Variants in IQGAP3 observed in about 807,000 individuals in gnomAD.
IQGAP3 encodes IQ motif containing GTPase activating protein 3, also known as ras GTPase-activating-like protein IQGAP3.
Under a neutral mutation model 208.2 loss-of-function variants are expected in IQGAP3, and 165 were observed. The observed-to-expected ratio is 0.79, with a 90% CI of 0.70 to 0.90. The LOEUF (loss-of-function observed/expected upper bound fraction) is 0.90. IQGAP3 is among the 40% of genes least tolerant of loss of function. The pLI is 0.00. For missense variants in IQGAP3, 1,811 were observed against 2,043.1 expected (o/e 0.89, Z 2.19); for synonymous variants, 703 against 803.6 (o/e 0.87, Z 2.12).
chr1:156,543,807 T>C lies in IQGAP3; in HGVS notation c.2530+174A>G, dbSNP rs1429563292. Among the ~76,000 whole-genome samples the C allele has an allele frequency of 4.2e-4, 64 of 152,162 alleles. 1 individual carries two copies. The highest frequency in any genetic ancestry group is 4.2e-3 in the Admixed American group (64 of 15,282). Reference sequence around the variant, plus strand: ...TTTCACGTGACAAGGCTATCTGTGATTGGGATGAGCAGGGGGGCTTTTGTT... The same window carrying C: ...TTTCACGTGACAAGGCTATCTGTGACTGGGATGAGCAGGGGGGCTTTTGTT... On this transcript the variant is annotated intron_variant, in intron 22 of 37. Coordinates refer to ENST00000361170, the MANE Select transcript of IQGAP3 (RefSeq NM_178229.5).
At chr1:156,557,962 A>G (rs1308381965) in intron 11 of IQGAP3, among the ~76,000 whole-genome samples, 26 of 3,258 alleles carry the variant, frequency 8.0e-3, no homozygotes, top group East Asian at 0.042. Context: ...CAGCCGCCCC[A>G]TCCGGGAGGG....
intron 36 of IQGAP3, 70 bp downstream of exon 36, chr1:156,528,439 C>T: frequency 8.7e-7 from 1 of 1,145,076 alleles, no homozygotes; most frequent in Non-Finnish European, 1.3e-6. Flanking sequence ...ACCCGGTGCC[C>T]AGCCCAGAGC....
rs770813990 is a variant in IQGAP3, at chr1:156,537,356, C to A, written c.3282-35G>T. The A allele has an allele frequency of 1.5e-5, 24 of 1,576,246 alleles. No individual in the cohort carries two copies. In the South Asian group the frequency reaches 2.6e-4, roughly 17 times the overall value. Reference sequence around the variant, plus strand: ...GAGAGAGACAAGGTGTAAGCAGGAGCCCCCTCCAATGGCCTCCTTCCCCAA... The same window carrying A: ...GAGAGAGACAAGGTGTAAGCAGGAGACCCCTCCAATGGCCTCCTTCCCCAA... On this transcript the variant is annotated intron_variant, in intron 26 of 37. Transcript: ENST00000361170.
At chr1:156,568,611 C>T (rs1383906872) in intron 2 of IQGAP3, among the ~76,000 whole-genome samples, 6 of 152,220 alleles carry the variant, frequency 3.9e-5, no homozygotes, top group Admixed American at 3.9e-4. Context: ...CCTCCTCGAC[C>T]TCCCAGGTTC....
chr1:156,529,215 G>A, intron 34 of IQGAP3, 133 bp from the exon 35 acceptor site: 1 of 976,632 alleles, frequency 1.0e-6, no homozygotes, highest in Non-Finnish European at 1.5e-6. Flanking sequence ...TTTCCTAGAA[G>A]GAAAATCTCA....
chr1:156,566,410 C>T lies in IQGAP3; in HGVS notation c.262G>A (p.Val88Met). ...SVVPLKKIYD[V>M]EQLRYQATGL... ...CCCACCTGGTACCGCAGCTGCTCCA[C>T]ATCGTAGATCTTCTTCAAGGGAACC... Residue 88 changes from valine (V) to methionine (M), a missense_variant, in exon 3 of 38, where the codon GTG (valine) becomes ATG (methionine). Coordinates refer to ENST00000361170, the MANE Select transcript of IQGAP3 (RefSeq NM_178229.5). 6.2e-7 allele frequency: 1 copy of T among 1,614,152 alleles called. No individual in the cohort carries two copies. The highest frequency in any genetic ancestry group is 8.5e-7 in the Non-Finnish European group (1 of 1,179,994).
rs577894649 is a variant in IQGAP3, at chr1:156,534,035, C to T, written c.3847G>A (p.Val1283Met). Residue 1283 changes from valine to methionine, a missense_variant, in exon 30 of 38, where the codon GTG becomes ATG. Transcript: ENST00000361170. ...CTGTGCGTGTTGACCAGCTCCCCCA[C>T]GGTGATGTACACCATGGGTTTGGCC... ...AVAKPMVYIT[V>M]GELVNTHRLL... The T allele has an allele frequency of 1.0e-4, 163 of 1,613,898 alleles. No individual in the cohort carries two copies. Among genetic ancestry groups the T allele is most frequent in the South Asian group, 6.5e-4 (59 of 91,086 alleles).
chr1:156,544,538 A>G, intron 19 of IQGAP3, 66 bp from the exon 20 acceptor site: 1 of 1,383,440 alleles, frequency 7.2e-7, no homozygotes, highest in Non-Finnish European at 1.0e-6. Flanking sequence ...GGCTTTTAAG[A>G]AAATCTTTGT....
At chr1:156,560,370 C>A (rs1269950090) in intron 11 of IQGAP3, among the ~76,000 whole-genome samples, 1 of 152,036 alleles carries the variant, frequency 6.6e-6, no homozygotes, top group East Asian at 1.9e-4. Flanking sequence ...AATTAGTCTG[C>A]CATGGTGGCA....
intron 19 of IQGAP3, among the ~76,000 whole-genome samples, chr1:156,546,190 G>A (rs1571333441): frequency 1.3e-5 from 2 of 152,256 alleles, no homozygotes; most frequent in South Asian, 4.1e-4. Context: ...GCTCCTTAAG[G>A]CCTCTGAATT....
At chr1:156,562,985 TC>T in intron 8 of IQGAP3, 148 bp downstream of exon 8, 1 of 734,510 alleles carries the variant, frequency 1.4e-6, no homozygotes, top group South Asian at 1.9e-5. Flanking sequence ...CAAGTTCCTT[TC>T]CTATTTCTCT....
rs1412524118 is a variant in IQGAP3, at chr1:156,540,002, G to A, written c.2740-12C>T. 1 of 1,613,972 alleles carries A rather than the reference G, an allele frequency of 6.2e-7. No homozygotes were observed. The highest frequency in any genetic ancestry group is 2.2e-5 in the East Asian group (1 of 44,890). On this transcript the variant is annotated splice_polypyrimidine_tract_variant and intron_variant, in intron 23 of 37. Transcript: ENST00000361170. ...TGGGAGACCACTTCCTGCAGGGGTG[G>A]AGGAGCGGGTGATACAACTAGCCTA... is the stretch of plus-strand genomic sequence containing the variant.
In IQGAP3 at chr1:156,563,215, A is replaced by G; in HGVS notation, c.717T>C (p.Asn239=). The change falls in exon 8 of 38, where the codon AAT becomes AAC. Residue 239 remains asparagine (N), a synonymous_variant. Coordinates refer to ENST00000361170, the MANE Select transcript of IQGAP3 (RefSeq NM_178229.5). The part of the protein sequence containing the change: ...ALQNPSALLE[N]LREPLAAVYQ... ...AGACGGCTGCCAGAGGCTCTCGGAGATTCTCCAGAAGAGCACTGGGATTCT... is the reference window on the plus strand; with the variant it reads ...AGACGGCTGCCAGAGGCTCTCGGAGGTTCTCCAGAAGAGCACTGGGATTCT... 6.2e-7 allele frequency: 1 copy of G among 1,613,108 alleles called. No homozygotes were observed. Among genetic ancestry groups the G allele is most frequent in the South Asian group, 1.1e-5 (1 of 91,010 alleles).
At chr1:156,563,435 A>G (rs1676255364) in intron 7 of IQGAP3, 118 bp downstream of exon 7, 3 of 1,325,346 alleles carry the variant, frequency 2.3e-6, no homozygotes, top group Non-Finnish European at 3.1e-6. Context: ...CAAACCAGGT[A>G]GCCTGATGGC....
In IQGAP3 at chr1:156,535,175, G is replaced by T. The variant is rs368841476; in HGVS notation, c.3495C>A (p.Ser1165Arg). ...LAEKFPDATD[S>R]EVYKVVGNLL... ...AGACAACACTTGCCTTATAGACCTC[G>T]CTGTCTGTGGCGTCAGGGAATTTCT... Residue 1165 changes from serine to arginine, a missense_variant, in exon 28 of 38, where the codon AGC (serine) becomes AGA (arginine). Coordinates refer to ENST00000361170, the MANE Select transcript of IQGAP3 (RefSeq NM_178229.5). The T allele has an allele frequency of 1.9e-6, 3 of 1,612,988 alleles. No individual in the cohort carries two copies. In the Admixed American group the frequency reaches 5.0e-5, roughly 27 times the overall value.
chr1:156,541,052 A>T, intron 22 of IQGAP3, 136 bp from the exon 23 acceptor site: 1 of 679,524 alleles, frequency 1.5e-6, no homozygotes, highest in Non-Finnish European at 2.6e-6. Flanking sequence ...TCCTCTTCTA[A>T]CTGGTTCTGC....
At chr1:156,531,135 C>A (rs370383323) in intron 33 of IQGAP3, 25 bp downstream of exon 33, 4 of 1,549,576 alleles carry the variant, frequency 2.6e-6, no homozygotes, top group African/African-American at 1.4e-5. Flanking sequence ...TGAGACAGAA[C>A]CTGTGGGCCA....
At chr1:156,546,672 T>C (rs890246260) in intron 19 of IQGAP3, among the ~76,000 whole-genome samples, 6 of 152,190 alleles carry the variant, frequency 3.9e-5, no homozygotes, top group African/African-American at 1.4e-4. Context: ...ACCATCATTA[T>C]GAATGAGGAA....
intron 13 of IQGAP3, among the ~76,000 whole-genome samples, 170 bp downstream of exon 13, chr1:156,554,065 T>G (rs1675697709): frequency 6.6e-6 from 1 of 152,228 alleles, no homozygotes; most frequent in Non-Finnish European, 1.5e-5. Context: ...TGTGATCCCA[T>G]CCACTCCCAG....
Sources: gnomAD v4.1 joint callset for allele counts (sites outside exome capture counted in the v4.1 genomes callset) on GRCh38, gnomAD v4.1.1 for gene constraint, MANE v1.5 for transcripts, NCBI Gene and HGNC (gene_info 2026-07-23, HGNC 2026-07-21) for gene names.